The following STK3 variants were observed in gnomAD, a reference collection of about 807,000 sequenced individuals.
STK3 encodes the protein serine/threonine-protein kinase 3.
In STK3, 41 loss-of-function variants were observed where a neutral mutation model predicts 58.0. The ratio of observed to expected loss-of-function variants is 0.71; its 90% CI spans 0.55 to 0.92. The LOEUF (loss-of-function observed/expected upper bound fraction) is 0.92, where lower values mean the gene tolerates loss of function less well. STK3 is among the 40% of genes least tolerant of loss of function. STK3 has a pLI of 0.00. For synonymous variants in STK3, 170 were observed against 191.0 expected (o/e 0.89, Z 0.91); for missense variants, 479 against 602.7 (o/e 0.79, Z 2.15).
chr8:98,458,311 C>A (rs1014148842), intron 10 of STK3, among the ~76,000 whole-genome samples: 6 of 152,136 alleles, frequency 3.9e-5, no homozygotes, highest in Non-Finnish European at 7.4e-5. Flanking sequence ...AATCCATGAG[C>A]ATGGGATGTA....
intron 1 of STK3, among the ~76,000 whole-genome samples, chr8:98,900,664 T>C (rs1016621388): frequency 6.6e-6 from 1 of 151,666 alleles, no homozygotes; most frequent in African/African-American, 2.4e-5. Context: ...ATTCTTTTTT[T>C]CTTTTTTTTT....
At chr8:98,863,280 T>C (rs1837000838) in intron 3 of STK3, among the ~76,000 whole-genome samples, 1 of 152,210 alleles carries the variant, frequency 6.6e-6, no homozygotes, top group Admixed American at 6.5e-5. Context: ...TTTTATTTTC[T>C]TTGTTTAATT....
intron 6 of STK3, among the ~76,000 whole-genome samples, chr8:98,700,429 G>C (rs1011244766): frequency 6.6e-6 from 1 of 152,218 alleles, no homozygotes; most frequent in African/African-American, 2.4e-5. Context: ...ACCTCAGATG[G>C]AAATGCAGAA....
chr8:98,903,270 A>G (rs1257571674), intron 1 of STK3, among the ~76,000 whole-genome samples: 1 of 152,204 alleles, frequency 6.6e-6, no homozygotes, highest in African/African-American at 2.4e-5. Flanking sequence ...TTTGACTATT[A>G]TACAGTCCCA....
intron 6 of STK3, among the ~76,000 whole-genome samples, chr8:98,656,658 TATTA>T (rs1190693840): frequency 2.0e-5 from 3 of 152,152 alleles, no homozygotes; most frequent in Non-Finnish European, 4.4e-5. Context: ...AGTTAAAGGC[TATTA>T]ATTAGTGCGT....
At chr8:98,602,715 C>T (rs781525719) in intron 6 of STK3, among the ~76,000 whole-genome samples, 2 of 151,876 alleles carry the variant, frequency 1.3e-5, no homozygotes, top group Non-Finnish European at 2.9e-5. Flanking sequence ...TGCTAAAGTA[C>T]AGTAAGAATT....
the STK3 span, among the ~76,000 whole-genome samples, chr8:98,356,174 G>A: frequency 2.0e-5 from 3 of 152,228 alleles, no homozygotes; most frequent in African/African-American, 7.2e-5. Context: ...AACCAAGCCT[G>A]TCACACAGAC....
chr8:98,519,411 G>T (rs1234640160), intron 10 of STK3, among the ~76,000 whole-genome samples: 1 of 152,020 alleles, frequency 6.6e-6, no homozygotes, highest in Non-Finnish European at 1.5e-5. Flanking sequence ...CTTTTTCGGG[G>T]CTACTCTAGT....
At chr8:98,419,363 A>T (rs1214514580) in intron 3 of STK3, among the ~76,000 whole-genome samples, 4 of 152,060 alleles carry the variant, frequency 2.6e-5, no homozygotes, top group Non-Finnish European at 5.9e-5. Context: ...TCCATCTCAA[A>T]AAAAAAAAGA....
chr8:98,517,705 T>G (rs1387942192), intron 10 of STK3, among the ~76,000 whole-genome samples: 4 of 152,124 alleles, frequency 2.6e-5, no homozygotes, highest in Non-Finnish European at 5.9e-5. Context: ...GTTTCCTCAA[T>G]CAATTTTTAA....
intron 10 of STK3, among the ~76,000 whole-genome samples, chr8:98,468,343 A>G: frequency 6.6e-6 from 1 of 152,226 alleles, no homozygotes; most frequent in Non-Finnish European, 1.5e-5. Context: ...TGGCTGAAAC[A>G]ATATTTAATT....
chr8:98,363,183 G>A, the STK3 span, among the ~76,000 whole-genome samples: 2 of 152,132 alleles, frequency 1.3e-5, no homozygotes, highest in African/African-American at 4.8e-5. Flanking sequence ...ATGTCCACTG[G>A]GGAGACCGAC....
intron 6 of STK3, among the ~76,000 whole-genome samples, chr8:98,667,313 C>T (rs549583869): frequency 2.6e-5 from 4 of 151,870 alleles, no homozygotes; most frequent in African/African-American, 9.7e-5. Flanking sequence ...TTTCAAAAAC[C>T]AGGGTGGTCT....
At chr8:98,578,398 G>A (rs1305867896) in intron 8 of STK3, among the ~76,000 whole-genome samples, 1 of 152,194 alleles carries the variant, frequency 6.6e-6, no homozygotes, top group Non-Finnish European at 1.5e-5. Flanking sequence ...CAGGCTTCAA[G>A]TATCTCCTCA....
rs76934333 is a variant in STK3 at position 98,706,969 on chromosome 8, C to T, written c.516+178G>A. 5.1e-3 allele frequency among the ~76,000 whole-genome samples: 782 copies of T among 152,290 alleles called. 11 individuals are homozygous for T. Among genetic ancestry groups the T allele is most frequent in the East Asian group, 0.044 (226 of 5,184 alleles). On this transcript the variant is annotated intron_variant, in intron 5 of 10. Coordinates refer to ENST00000419617, the MANE Select transcript of STK3 (RefSeq NM_006281.4). ...TATAAGATATATTTTCACATTCAAT[C>T]ACCCTAAATTATAAATTAAATAATA... is the stretch of plus-strand genomic sequence containing the variant.
intron 9 of STK3, among the ~76,000 whole-genome samples, chr8:98,537,305 T>A (rs1351795612): frequency 6.6e-6 from 1 of 152,204 alleles, no homozygotes; most frequent in East Asian, 1.9e-4. Context: ...AAACAATTTT[T>A]AAAAAATTTT....
intron 10 of STK3, among the ~76,000 whole-genome samples, chr8:98,475,966 T>C (rs1393004865): frequency 6.6e-6 from 1 of 151,808 alleles, no homozygotes; most frequent in Non-Finnish European, 1.5e-5. Flanking sequence ...TATCACGATG[T>C]TCTAGTTCAC....
intron 6 of STK3, among the ~76,000 whole-genome samples, chr8:98,602,011 G>A (rs1286585712): frequency 6.6e-6 from 1 of 152,128 alleles, no homozygotes; most frequent in Non-Finnish European, 1.5e-5. Flanking sequence ...CATCTCCCAA[G>A]CAATTCCAAT....
Position 98,676,676 on chromosome 8 carries a change from T to A in STK3, c.684+29791A>T, listed in dbSNP as rs1031681035. Among the ~76,000 whole-genome samples, 7 of 149,380 alleles carry A rather than the reference T, an allele frequency of 4.7e-5. 1 individual carries two copies. The highest frequency in any genetic ancestry group is 1.0e-4 in the Non-Finnish European group (7 of 67,084). On this transcript the variant is annotated intron_variant, in intron 6 of 10. Coordinates refer to ENST00000419617, the MANE Select transcript of STK3 (RefSeq NM_006281.4). Reference sequence around the variant, plus strand: ...AGTGTATTTTGCCACAATAAAAAAGTAAAAAAAAATAAGTTCTGTGTATGG... The same window carrying A: ...AGTGTATTTTGCCACAATAAAAAAGAAAAAAAAAATAAGTTCTGTGTATGG...
Sources: allele counts gnomAD v4.1 joint callset (sites outside exome capture counted in the v4.1 genomes callset), GRCh38; gene constraint gnomAD v4.1.1; transcripts MANE v1.5; gene names NCBI Gene and HGNC (gene_info 2026-07-23, HGNC 2026-07-21).